The following ALX3 variants were observed in gnomAD, a reference collection of about 807,000 sequenced individuals.
ALX3 encodes homeobox protein aristaless-like 3.
Under a neutral mutation model 26.3 loss-of-function variants are expected in ALX3, and 17 were observed. The observed-to-expected ratio is 0.65, with a 90% confidence interval of 0.44 to 0.97. The LOEUF is 0.97. Ranked by LOEUF, ALX3 falls within the 50% of genes least tolerant of loss-of-function variation. The pLI is 0.00. For synonymous variants in ALX3, 208 were observed against 201.4 expected (o/e 1.03, Z -0.28); for missense variants, 461 against 466.5 (o/e 0.99, Z 0.11).
In ALX3 at chr1:110,064,839, G is replaced by C; in HGVS notation, c.342C>G (p.Pro114=). The C allele has an allele frequency of 6.2e-7, 1 of 1,613,428 alleles. No individual in the cohort carries two copies. Among genetic ancestry groups the C allele is most frequent in the Non-Finnish European group, 8.5e-7 (1 of 1,179,824 alleles). The change falls in exon 2 of 4, where the codon CCC becomes CCG. Residue 114 remains proline, a synonymous_variant. Transcript: ENST00000647563. ...PQLPLDCRGG[P]RDGPSNLQGS... is the part of the protein sequence containing the mutation. ...CTTGCAAGTTAGAGGGCCCGTCTCTGGGGCCCCCTCGGCAGTCCAAGGGCA... is the reference window on the plus strand; with the variant it reads ...CTTGCAAGTTAGAGGGCCCGTCTCTCGGGCCCCCTCGGCAGTCCAAGGGCA...
Position 110,070,440 on chromosome 1 carries a change from T to C in ALX3, c.173A>G (p.Glu58Gly). 4 of 1,262,732 alleles carry C rather than the reference T, an allele frequency of 3.2e-6. No individual in the cohort carries two copies. The highest frequency in any genetic ancestry group is 4.0e-6 in the Non-Finnish European group (4 of 1,005,576). 78.2% of individuals were successfully genotyped at this position (1,262,732 alleles called of 1,614,324 possible). A position where few individuals can be genotyped will look rare whatever the true frequency, so the allele number is the denominator to read the frequency against. ...LTRFPACGPL[E>G]PYLPEPAKPP... ...CTTGGCCGGCTCTGGGAGGTAGGGC[T>C]CCAGGGGCCCGCAGGCCGGAAAGCG... Residue 58 changes from glutamate to glycine, a missense_variant, in exon 1 of 4, where the codon GAG becomes GGG. Glu to Gly is a moderately conservative substitution (Grantham distance 98). Around this residue, in one of 3 missense-constraint regions of ALX3, gnomAD observed 241 missense variants for 206.1 expected, o/e 1.17. Transcript: ENST00000647563.
chr1:110,060,524 T>C lies in ALX3; in HGVS notation c.*209A>G, dbSNP rs116760307. On this transcript the variant is annotated 3_prime_UTR_variant, in exon 4 of 4. Transcript: ENST00000647563. Reference sequence around the variant, plus strand: ...GGGACTCAGTTTGTGGTAGGAAGAGTCCTGGCTGCTTCGAAGCCCCTTCTC... The same window carrying C: ...GGGACTCAGTTTGTGGTAGGAAGAGCCCTGGCTGCTTCGAAGCCCCTTCTC... The C allele has an allele frequency of 5.1e-3, 2,359 of 463,854 alleles. 54 individuals carry two copies. The highest frequency in any genetic ancestry group is 0.042 in the African/African-American group (2,148 of 50,576). The allele number at this position is 463,854 out of a possible 1,614,324, so 28.7% of individuals were successfully genotyped here. A position where few individuals can be genotyped will look rare whatever the true frequency, so the allele number is the denominator to read the frequency against.
chr1:110,062,878 G>A (rs1653689092), intron 2 of ALX3, among the ~76,000 whole-genome samples: 1 of 152,174 alleles, frequency 6.6e-6, no homozygotes, highest in South Asian at 2.1e-4. Context: ...CAGAGGATGA[G>A]GGAGCTTACA....
intron 1 of ALX3, among the ~76,000 whole-genome samples, chr1:110,069,330 G>C (rs561267826): frequency 6.6e-6 from 1 of 152,360 alleles, no homozygotes; most frequent in South Asian, 2.1e-4. Context: ...GCCGGGCGGC[G>C]GCAGGGGGTT....
Position 110,061,485 on chromosome 1 carries a change from T to G in ALX3, c.673A>C (p.Thr225Pro), listed in dbSNP as rs1570936392. 6.2e-7 allele frequency: 1 copy of G among 1,614,188 alleles called. No homozygotes were observed. Among genetic ancestry groups the G allele is most frequent in the African/African-American group, 1.3e-5 (1 of 75,046 alleles). The change falls in exon 3 of 4, where the codon ACG becomes CCG. Residue 225 changes from threonine to proline, a missense_variant. Coordinates refer to ENST00000647563, the MANE Select transcript of ALX3 (RefSeq NM_006492.3). ...GKIQEGRNPF[T>P]AAYDISVLPR... Reference sequence around the variant, plus strand: ...AGCACAGAGATGTCATAGGCAGCCGTGAAGGGGTTCCGCCCCTCCTGGATC... The same window carrying G: ...AGCACAGAGATGTCATAGGCAGCCGGGAAGGGGTTCCGCCCCTCCTGGATC...
intron 2 of ALX3, among the ~76,000 whole-genome samples, chr1:110,063,564 G>A (rs1449741333): frequency 6.6e-6 from 1 of 152,084 alleles, no homozygotes. Flanking sequence ...TTCACAAAGG[G>A]TCTCTGGAAG....
chr1:110,069,575 G>A (rs865925954), intron 1 of ALX3, among the ~76,000 whole-genome samples: 8 of 152,256 alleles, frequency 5.3e-5, no homozygotes, highest in African/African-American at 1.4e-4. Context: ...GCGCCAGGGG[G>A]TTAGGCTGCC....
chr1:110,070,582 C>A lies in ALX3; in HGVS notation c.31G>T (p.Val11Leu). 2 of 1,296,394 alleles carry A rather than the reference C, an allele frequency of 1.5e-6. No homozygotes were observed. Among genetic ancestry groups the A allele is most frequent in the Non-Finnish European group, 2.0e-6 (2 of 1,020,458 alleles). 80.3% of individuals were successfully genotyped at this position (1,296,394 alleles called of 1,614,324 possible). A position where few individuals can be genotyped will look rare whatever the true frequency, so the allele number is the denominator to read the frequency against. Residue 11 changes from valine to leucine, a missense_variant, in exon 1 of 4, where the codon GTG becomes TTG. Around this residue, in one of 3 missense-constraint regions of ALX3, gnomAD observed 241 missense variants for 206.1 expected, o/e 1.17. Coordinates refer to ENST00000647563, the MANE Select transcript of ALX3 (RefSeq NM_006492.3). MDPEHCAPFR[V>L]GPAPGPYVAS... is the part of the protein sequence containing the mutation. ...ACATAGGGGCCGGGTGCAGGCCCCA[C>A]GCGGAAAGGCGCGCAGTGCTCGGGG...
intron 1 of ALX3, among the ~76,000 whole-genome samples, chr1:110,065,365 CCT>C (rs1310237319): frequency 1.3e-5 from 2 of 152,154 alleles, no homozygotes; most frequent in Non-Finnish European, 2.9e-5. Context: ...TATGCCCACG[CCT>C]CTGTTCCCAG....
intron 2 of ALX3, among the ~76,000 whole-genome samples, chr1:110,064,230 C>T (rs77511117): frequency 0.015 from 2,294 of 152,316 alleles, 28 homozygotes; most frequent in South Asian, 0.042. Flanking sequence ...ATAGTCCCTA[C>T]GCAGCCAGTC....
At chr1:110,066,579 C>CA (rs984696347) in intron 1 of ALX3, among the ~76,000 whole-genome samples, 1 of 126,316 alleles carries the variant, frequency 7.9e-6, no homozygotes, top group Non-Finnish European at 1.7e-5. Flanking sequence ...ACATCCCCCC[C>CA]CCCCGCCCCC....
At chr1:110,063,947 C>T (rs570006183) in intron 2 of ALX3, among the ~76,000 whole-genome samples, 3 of 152,134 alleles carry the variant, frequency 2.0e-5, no homozygotes, top group Non-Finnish European at 4.4e-5. Context: ...GGCCACGGCC[C>T]CTCTGGGAAG....
At chr1:110,065,373 C>T (rs1653757199) in intron 1 of ALX3, among the ~76,000 whole-genome samples, 1 of 152,112 alleles carries the variant, frequency 6.6e-6, no homozygotes, top group Non-Finnish European at 1.5e-5. Flanking sequence ...CGCCTCTGTT[C>T]CCAGGGCCAG....
chr1:110,063,277 A>G (rs1351059721), intron 2 of ALX3, among the ~76,000 whole-genome samples: 3 of 152,186 alleles, frequency 2.0e-5, no homozygotes, highest in Non-Finnish European at 2.9e-5. Flanking sequence ...CCTGATTCCC[A>G]TGGCTTATAT....
chr1:110,060,629 C>G lies in ALX3; in HGVS notation c.*104G>C. On this transcript the variant is annotated 3_prime_UTR_variant, in exon 4 of 4. Coordinates refer to ENST00000647563, the MANE Select transcript of ALX3 (RefSeq NM_006492.3). ...GGGGGCTGACAGTGCCAGCTGCTCT[C>G]GCAGCCTCCAGAACCATCTGGGGCT... 2 of 367,518 alleles carry G rather than the reference C, an allele frequency of 5.4e-6. No individual in the cohort carries two copies. The highest frequency in any genetic ancestry group is 1.0e-4 in the South Asian group (1 of 9,798). The allele number at this position is 367,518 out of a possible 1,614,324, so 22.8% of individuals were successfully genotyped here. A position where few individuals can be genotyped will look rare whatever the true frequency, so the allele number is the denominator to read the frequency against.
Position 110,064,713 on chromosome 1 carries a change from G to T in ALX3, c.468C>A (p.Asn156Lys). 6.2e-7 allele frequency: 1 copy of T among 1,614,212 alleles called. No individual in the cohort carries two copies. The highest frequency in any genetic ancestry group is 8.5e-7 in the Non-Finnish European group (1 of 1,180,038). ...LAKNKSKKRR[N>K]RTTFSTFQLE... ...GCTGGAATGTGCTGAAGGTCGTGCG[G>T]TTACGACGCTTCTTGCTCTTGTTCT... is the stretch of plus-strand genomic sequence containing the variant. The change falls in exon 2 of 4, where the codon AAC becomes AAA. Residue 156 changes from asparagine (N) to lysine (K), a missense_variant. Physicochemically the swap from Asn to Lys is moderately conservative, Grantham distance 94 (BLOSUM62 0). Coordinates refer to ENST00000647563, the MANE Select transcript of ALX3 (RefSeq NM_006492.3).
chr1:110,065,619 AAAG>A (rs1439236383), intron 1 of ALX3, among the ~76,000 whole-genome samples: 3 of 152,196 alleles, frequency 2.0e-5, no homozygotes, highest in Admixed American at 1.3e-4. Flanking sequence ...GGCTGTGCTC[AAAG>A]AAGGAGAGTT....
Position 110,060,772 on chromosome 1 carries a change from C to G in ALX3, c.993G>C (p.Lys331Asn), listed in dbSNP as rs1162784148. The G allele has an allele frequency of 2.4e-5, 36 of 1,519,958 alleles. No individual in the cohort carries two copies. Among genetic ancestry groups the G allele is most frequent in the Non-Finnish European group, 2.9e-5 (33 of 1,135,296 alleles). The allele number at this position is 1,519,958 out of a possible 1,614,324, so 94.2% of individuals were successfully genotyped here. Reference protein sequence around the residue: ...KSPSLVSLRVKPKEPPGLLNW... With the variant: ...KSPSLVSLRVNPKEPPGLLNW... The stretch of plus-strand genomic sequence containing the variant: ...TCAGAAGGCCGGGTGGCTCCTTGGG[C>G]TTTACCCTGAGCGAGACGAGGCTTG... Residue 331 changes from lysine (K) to asparagine (N), a missense_variant, in exon 4 of 4, where the codon AAG (lysine) becomes AAC (asparagine). Around this residue, in one of 3 missense-constraint regions of ALX3, gnomAD observed 169 missense variants for 178.0 expected, o/e 0.95. Coordinates refer to ENST00000647563, the MANE Select transcript of ALX3 (RefSeq NM_006492.3).
At chr1:110,067,373 G>A (rs1451082450) in intron 1 of ALX3, among the ~76,000 whole-genome samples, 1 of 152,226 alleles carries the variant, frequency 6.6e-6, no homozygotes, top group Non-Finnish European at 1.5e-5. Flanking sequence ...GTTGGAGACA[G>A]CCTGAGACAA....
Sources: gnomAD v4.1 joint callset for allele counts (sites outside exome capture counted in the v4.1 genomes callset) on GRCh38, gnomAD v4.1.1 for gene constraint, gnomAD v4.1.1 regional missense constraint, MANE v1.5 for transcripts, NCBI Gene and HGNC (gene_info 2026-07-23, HGNC 2026-07-21) for gene names.